The following NEK11 variants were observed in gnomAD, a reference collection of about 807,000 sequenced individuals.
NEK11 encodes serine/threonine-protein kinase Nek11.
In NEK11, 72 loss-of-function variants were observed where a neutral mutation model predicts 80.7. The observed-to-expected ratio is 0.89, with a 90% CI of 0.74 to 1.08. The LOEUF (loss-of-function observed/expected upper bound fraction) is 1.08, where lower values mean the gene tolerates loss of function less well. Among genes scored for constraint, NEK11 ranks in the 50% least tolerant of loss-of-function variants. NEK11 has a pLI of 0.00. For synonymous variants in NEK11, 251 were observed against 260.7 expected (o/e 0.96, Z 0.36); for missense variants, 764 against 763.6 (o/e 1.00, Z -0.01).
intron 14 of NEK11, among the ~76,000 whole-genome samples, chr3:131,207,522 G>T (rs1001287534): frequency 3.3e-5 from 5 of 152,118 alleles, no homozygotes; most frequent in African/African-American, 1.2e-4. Flanking sequence ...GGCTGAGCTT[G>T]CAGTGAGCCG....
intron 3 of NEK11, among the ~76,000 whole-genome samples, chr3:131,034,948 C>T (rs1369864049): frequency 6.6e-6 from 1 of 152,200 alleles, no homozygotes; most frequent in Non-Finnish European, 1.5e-5. Flanking sequence ...GTATTTTCCC[C>T]TTGGTCCTAT....
At chr3:131,152,784 A>G in intron 9 of NEK11, 75 bp downstream of exon 9, 1 of 1,033,302 alleles carries the variant, frequency 9.7e-7, no homozygotes, top group Admixed American at 2.0e-5. Flanking sequence ...GAAGATATGC[A>G]GTGGGGATAT....
intron 5 of NEK11, 69 bp from the exon 6 acceptor site, chr3:131,132,676 A>G (rs2084715826): frequency 1.3e-6 from 1 of 784,860 alleles, no homozygotes; most frequent in South Asian, 1.7e-5. Context: ...AACAACATAT[A>G]TTATTTACAT....
chr3:131,221,535 G>A (rs1253929864), intron 14 of NEK11, among the ~76,000 whole-genome samples: 1 of 152,162 alleles, frequency 6.6e-6, no homozygotes, highest in Non-Finnish European at 1.5e-5. Context: ...GCATTCTAAT[G>A]GTTAAAACCA....
chr3:131,129,248 G>A (rs1460559165), intron 5 of NEK11, among the ~76,000 whole-genome samples: 1 of 151,924 alleles, frequency 6.6e-6, no homozygotes, highest in Non-Finnish European at 1.5e-5. Context: ...TAGAGATGGG[G>A]TTTCACCACG....
intron 14 of NEK11, among the ~76,000 whole-genome samples, chr3:131,204,467 A>G (rs1165192268): frequency 6.6e-6 from 1 of 152,022 alleles, no homozygotes; most frequent in Non-Finnish European, 1.5e-5. Flanking sequence ...TGAGCTCTCA[A>G]CCTGTGAGAT....
chr3:131,110,904 TG>T (rs1275650626), intron 5 of NEK11, among the ~76,000 whole-genome samples: 5 of 152,176 alleles, frequency 3.3e-5, no homozygotes, highest in Non-Finnish European at 5.9e-5. Flanking sequence ...AACAATCTGT[TG>T]GATGATGTCA....
intron 17 of NEK11, among the ~76,000 whole-genome samples, chr3:131,296,521 T>G (rs1348698139): frequency 6.6e-6 from 1 of 152,202 alleles, no homozygotes; most frequent in African/African-American, 2.4e-5. Context: ...AATTTTTGTT[T>G]GTCTGAGAAA....
intron 17 of NEK11, among the ~76,000 whole-genome samples, chr3:131,318,379 G>A (rs77049930): frequency 0.054 from 8,267 of 152,080 alleles, 727 homozygotes; most frequent in African/African-American, 0.19. Flanking sequence ...ATTTGGCAAC[G>A]TCTGTTCAAA....
At chr3:131,080,175 C>T (rs2075032337) in intron 3 of NEK11, among the ~76,000 whole-genome samples, 1 of 152,002 alleles carries the variant, frequency 6.6e-6, no homozygotes, top group African/African-American at 2.4e-5. Context: ...CAATATTGCT[C>T]AAGATTAGTT....
chr3:131,342,389 T>A (rs2097300045), intron 17 of NEK11, among the ~76,000 whole-genome samples: 1 of 152,240 alleles, frequency 6.6e-6, no homozygotes, highest in Non-Finnish European at 1.5e-5. Flanking sequence ...TCACACATAT[T>A]TGATGTGCAG....
intron 15 of NEK11, among the ~76,000 whole-genome samples, chr3:131,232,979 G>GGGAAGGAAGGAAGGAAGGAAGGAA (rs55987547): frequency 7.5e-6 from 1 of 132,650 alleles, no homozygotes. Flanking sequence ...TATATTTGAG[G>GGGAAGGAAGGAAGGAAGGAAGGAA]GGAAGGAAGG....
intron 3 of NEK11, among the ~76,000 whole-genome samples, chr3:131,047,627 C>T (rs1372285544): frequency 6.6e-6 from 1 of 152,194 alleles, no homozygotes; most frequent in Non-Finnish European, 1.5e-5. Flanking sequence ...GTGATGTGAA[C>T]CATCTTCAGT....
rs1213031342 is a variant in NEK11, at chr3:131,210,379, T to TG, written c.1400-18148dup. On this transcript the variant is annotated intron_variant, in intron 14 of 17. Coordinates refer to ENST00000383366, the MANE Select transcript of NEK11 (RefSeq NM_024800.5). ...CTGTTCTTTTACGTTTGCTGAGGAG[T>TG]GCTTTACTTCCAACTATGTGGTCAA... is the stretch of plus-strand genomic sequence containing the variant. Among the ~76,000 whole-genome samples, 3 of 152,146 alleles carry TG rather than the reference T, an allele frequency of 2.0e-5. No homozygotes were observed. In the East Asian group the frequency reaches 5.8e-4, roughly 29 times the overall value.
At chr3:131,203,705 T>G (rs1476434852) in intron 14 of NEK11, among the ~76,000 whole-genome samples, 1 of 145,572 alleles carries the variant, frequency 6.9e-6, no homozygotes, top group Non-Finnish European at 1.5e-5. Flanking sequence ...TATGTATATA[T>G]GTATATATGT....
At chr3:131,335,243 C>T (rs2097161614) in intron 17 of NEK11, among the ~76,000 whole-genome samples, 1 of 152,172 alleles carries the variant, frequency 6.6e-6, no homozygotes, top group Non-Finnish European at 1.5e-5. Context: ...AAACCAAATC[C>T]AGCAGCACAT....
At chr3:131,211,255 A>G (rs1048430910) in intron 14 of NEK11, among the ~76,000 whole-genome samples, 3 of 152,182 alleles carry the variant, frequency 2.0e-5, no homozygotes, top group Non-Finnish European at 4.4e-5. Context: ...TGGATATGAA[A>G]TTCTAGGTTG....
chr3:131,046,906 CT>C (rs1476182862), intron 3 of NEK11, among the ~76,000 whole-genome samples: 2 of 152,176 alleles, frequency 1.3e-5, no homozygotes, highest in Non-Finnish European at 1.5e-5. Flanking sequence ...TTGTAGATTT[CT>C]CTTCTTTCTT....
chr3:131,099,365 C>T (rs1417618316), intron 4 of NEK11, among the ~76,000 whole-genome samples: 10 of 152,114 alleles, frequency 6.6e-5, no homozygotes, highest in Non-Finnish European at 1.0e-4. Flanking sequence ...TTTTTGTTTA[C>T]GATAGCCTTA....
Sources: gnomAD v4.1 joint callset for allele counts (sites outside exome capture counted in the v4.1 genomes callset) on GRCh38, gnomAD v4.1.1 for gene constraint, MANE v1.5 for transcripts, NCBI Gene and HGNC (gene_info 2026-07-23, HGNC 2026-07-21) for gene names.